Variants in LARP1 observed in about 807,000 individuals in gnomAD.
LARP1 encodes la-related protein 1.
LARP1 carries 36 observed loss-of-function variants against 122.7 expected under a neutral mutation model. The observed-to-expected ratio is 0.29, with a 90% CI of 0.22 to 0.39. LARP1 has a LOEUF of 0.39. Among genes scored for constraint, LARP1 ranks in the 10% least tolerant of loss-of-function variants. The pLI, the probability that LARP1 is intolerant of heterozygous loss-of-function variation, is 1.00. For missense variants in LARP1, 1,040 were observed against 1,403.6 expected (o/e 0.74, Z 4.14); for synonymous variants, 539 against 528.7 (o/e 1.02, Z -0.27).
Position 154,792,689 on chromosome 5 carries a change from AAGG to A in LARP1, c.635_637del (p.Gly212del). The A allele has an allele frequency of 6.2e-7, 1 of 1,614,168 alleles. No individual in the cohort carries two copies. Among genetic ancestry groups the A allele is most frequent in the Non-Finnish European group, 8.5e-7 (1 of 1,180,022 alleles). On this transcript the variant is annotated inframe_deletion, in exon 4 of 19. Transcript: ENST00000518297. Reference sequence around the variant, plus strand: ...AAGAAGGACATGAAGGAACAGGAGAAAGGAGAAGGGAGTGATAGTAAGGAGAGT... The same window carrying A: ...AAGAAGGACATGAAGGAACAGGAGAAAGAAGGGAGTGATAGTAAGGAGAGT...
chr5:154,797,419 G>C (rs1757971772), intron 8 of LARP1, among the ~76,000 whole-genome samples: 3 of 151,000 alleles, frequency 2.0e-5, no homozygotes, highest in Admixed American at 1.3e-4. Context: ...TTCTAGTAGA[G>C]ATGGGGTTTC....
At chr5:154,729,408 AAG>A (rs1756421989) in intron 1 of LARP1, 1 of 332,154 alleles carries the variant, frequency 3.0e-6, no homozygotes, top group Admixed American at 3.4e-5. Flanking sequence ...GGCAAAACTG[AAG>A]AGTCTACAGT....
At chr5:154,807,919 G>A (rs527799350) in intron 15 of LARP1, among the ~76,000 whole-genome samples, 1 of 152,226 alleles carries the variant, frequency 6.6e-6, no homozygotes, top group African/African-American at 2.4e-5. Context: ...TATCAAATAC[G>A]TGATTTGCAA....
At chr5:154,790,208 T>C (rs917190226) in intron 1 of LARP1, 117 bp from the exon 2 acceptor site, 1 of 762,280 alleles carries the variant, frequency 1.3e-6, no homozygotes, top group Non-Finnish European at 2.2e-6. Context: ...TGTGTCTTTC[T>C]CCTTTGGGAA....
intron 14 of LARP1, chr5:154,805,127 A>G (rs1309238359): frequency 1.5e-5 from 5 of 341,634 alleles, no homozygotes; most frequent in Non-Finnish European, 2.3e-5. Context: ...GAAGGGAACA[A>G]CAAACACTGG....
rs1582183520 is a variant in LARP1 at position 154,713,237 on chromosome 5, G to C, written c.205+107G>C. On this transcript the variant is annotated intron_variant, in intron 1 of 18. Transcript: ENST00000336314. The stretch of plus-strand genomic sequence containing the variant: ...CTTGGGTGCTGGTTCCAGCCCTGCT[G>C]TGTGACCCTGAGCGAGTCACTCCAG... 9 of 884,276 alleles carry C rather than the reference G, an allele frequency of 1.0e-5. No individual in the cohort carries two copies. The East Asian group carries it at 1.3e-4, about 13-fold the overall frequency. The allele number at this position is 884,276 out of a possible 1,614,324, so 54.8% of individuals were successfully genotyped here.
At position 154,803,793 on chromosome 5, in the gene LARP1, G is replaced by A. The variant is rs1389948324; in HGVS notation, c.2439+48G>A. Reference sequence around the variant, plus strand: ...CTCAGAGTCTTGGGTCTACTTCATTGCATTCCAGTGCTTTGCTTCTCTCCC... The same window carrying A: ...CTCAGAGTCTTGGGTCTACTTCATTACATTCCAGTGCTTTGCTTCTCTCCC... On this transcript the variant is annotated intron_variant, in intron 13 of 18. Transcript: ENST00000518297. The surrounding 1 kb of genome is among the most constrained non-coding windows in gnomAD (Gnocchi z 4.4). The A allele has an allele frequency of 6.5e-7, 1 of 1,541,460 alleles. No homozygotes were observed. The highest frequency in any genetic ancestry group is 9.0e-7 in the Non-Finnish European group (1 of 1,115,464).
rs117581919 is a variant in LARP1 at position 154,699,690 on chromosome 5, G to A, written c.-180+16653G>A. On this transcript the variant is annotated intron_variant, in intron 1 of 18. Transcript: ENST00000687700. ...GAGACCATTGAATTGAGTAGTTTTC[G>A]TACTGTGTCCACAGGAACTCCTTAG... Among the ~76,000 whole-genome samples, 225 of 152,178 alleles carry A rather than the reference G, an allele frequency of 1.5e-3. 3 individuals are homozygous for A. In the South Asian group the frequency reaches 0.027, roughly 18 times the overall value.
chr5:154,707,257 T>C (rs969551018), intron 1 of LARP1, among the ~76,000 whole-genome samples: 4 of 152,194 alleles, frequency 2.6e-5, no homozygotes, highest in African/African-American at 9.7e-5. Flanking sequence ...AAAAATGTTT[T>C]AATGTAAAAT....
intron 1 of LARP1, among the ~76,000 whole-genome samples, chr5:154,749,382 T>G (rs1446115435): frequency 6.6e-6 from 1 of 152,174 alleles, no homozygotes; most frequent in African/African-American, 2.4e-5. Context: ...CCTTCTTCAC[T>G]GCAAACCGTC....
At chr5:154,812,249 C>G (rs1292791000) in intron 18 of LARP1, among the ~76,000 whole-genome samples, 1 of 152,110 alleles carries the variant, frequency 6.6e-6, no homozygotes, top group African/African-American at 2.4e-5. Flanking sequence ...CCCTTCAAAC[C>G]TTTTAGCAAA....
intron 1 of LARP1, among the ~76,000 whole-genome samples, chr5:154,724,453 TG>T (rs1756073121): frequency 6.6e-6 from 1 of 152,200 alleles, no homozygotes; most frequent in African/African-American, 2.4e-5. Context: ...CCTAGAGCAT[TG>T]GATTATAAAA....
intron 1 of LARP1, among the ~76,000 whole-genome samples, chr5:154,691,742 A>AT: frequency 6.6e-6 from 1 of 151,022 alleles, no homozygotes; most frequent in Non-Finnish European, 1.5e-5. Flanking sequence ...CCCTCGGTTC[A>AT]TCCCCCATAG....
At position 154,815,926 on chromosome 5, in the gene LARP1, TTG is replaced by T. The variant is rs1408120063; in HGVS notation, c.*1832_*1833del. 2 of 152,264 alleles carry T rather than the reference TTG, an allele frequency of 1.3e-5. No homozygotes were observed. The highest frequency in any genetic ancestry group is 2.9e-5 in the Non-Finnish European group (2 of 68,046). The allele number at this position is 152,264 out of a possible 1,614,324, so 9.4% of individuals were successfully genotyped here. On this transcript the variant is annotated 3_prime_UTR_variant, in exon 19 of 19. Coordinates refer to ENST00000518297, the MANE Select transcript of LARP1 (RefSeq NM_033551.3). ...TGGGATCTGGGCAACATGGAGTTCA[TTG>T]TCCTGTTGCTTACTTACTGCAATGT...
At chr5:154,770,943 T>C (rs960067215) in intron 1 of LARP1, among the ~76,000 whole-genome samples, 3 of 151,956 alleles carry the variant, frequency 2.0e-5, no homozygotes, top group African/African-American at 7.2e-5. Flanking sequence ...TGAAACCCCG[T>C]CTCTACAAAA....
chr5:154,770,373 A>C (rs1481899876), intron 1 of LARP1, among the ~76,000 whole-genome samples: 2 of 152,050 alleles, frequency 1.3e-5, no homozygotes, highest in Non-Finnish European at 2.9e-5. Flanking sequence ...CCCTGATCAG[A>C]AGGGTAGTTT....
chr5:154,718,382 T>A (rs1179918833), intron 1 of LARP1: 2 of 152,042 alleles, frequency 1.3e-5, no homozygotes, highest in African/African-American at 4.8e-5. Context: ...ATTGATTTGT[T>A]TGAGATGGGG....
chr5:154,742,684 C>G (rs1752964469), intron 1 of LARP1, among the ~76,000 whole-genome samples: 1 of 147,550 alleles, frequency 6.8e-6, no homozygotes, highest in Admixed American at 6.8e-5. Context: ...GAGCCATGAT[C>G]ATGCCACTGT....
chr5:154,779,553 G>C (rs980820556), intron 1 of LARP1, among the ~76,000 whole-genome samples: 16 of 142,250 alleles, frequency 1.1e-4, no homozygotes, highest in African/African-American at 1.3e-4. Flanking sequence ...TTGTTGCCCA[G>C]ACTGGAGTGC....
Sources: allele counts gnomAD v4.1 joint callset (sites outside exome capture counted in the v4.1 genomes callset), GRCh38; gene constraint gnomAD v4.1.1; non-coding constraint Gnocchi (gnomAD v3.1); transcripts MANE v1.5; gene names NCBI Gene and HGNC (gene_info 2026-07-23, HGNC 2026-07-21).